The following ALDH1A1 variants were observed in gnomAD, a reference collection of about 807,000 sequenced individuals.
The protein encoded by ALDH1A1 is aldehyde dehydrogenase 1A1.
Under a neutral mutation model 62.1 loss-of-function variants are expected in ALDH1A1, and 19 were observed. The ratio of observed to expected loss-of-function variants is 0.31; its 90% confidence interval spans 0.21 to 0.45. The LOEUF (loss-of-function observed/expected upper bound fraction) is 0.45. ALDH1A1 is among the 20% of genes least tolerant of loss of function. The pLI is 1.00. For synonymous variants in ALDH1A1, 231 were observed against 215.9 expected, an observed-to-expected ratio of 1.07 and a Z score of -0.61; for missense variants, 521 against 607.1, an observed-to-expected ratio of 0.86 and a Z score of 1.49.
At chr9:72,926,760 A>G (rs1830216662) in intron 5 of ALDH1A1, among the ~76,000 whole-genome samples, 1 of 152,256 alleles carries the variant, frequency 6.6e-6, no homozygotes, top group Admixed American at 6.5e-5. Context: ...CCAAAATGCT[A>G]TCCTGCAGAT....
chr9:72,933,684 G>A (rs1830313162), intron 2 of ALDH1A1, among the ~76,000 whole-genome samples: 1 of 151,148 alleles, frequency 6.6e-6, no homozygotes, highest in Admixed American at 6.6e-5. Flanking sequence ...AGATTAATAA[G>A]ATAACATTTA....
At chr9:72,907,779 T>A (rs1744467829) in intron 11 of ALDH1A1, among the ~76,000 whole-genome samples, 1 of 152,214 alleles carries the variant, frequency 6.6e-6, no homozygotes, top group African/African-American at 2.4e-5. Context: ...GTACTTGGTA[T>A]AAATATCTTC....
At chr9:72,947,650 T>A (rs180873523) in intron 1 of ALDH1A1, among the ~76,000 whole-genome samples, 1 of 152,122 alleles carries the variant, frequency 6.6e-6, no homozygotes, top group East Asian at 1.9e-4. Context: ...GAGATTCTAG[T>A]ACTACTGGTT....
chr9:72,927,791 C>T (rs1386890729), intron 4 of ALDH1A1, among the ~76,000 whole-genome samples: 1 of 151,892 alleles, frequency 6.6e-6, no homozygotes, highest in African/African-American at 2.4e-5. Context: ...TTTTATTTGC[C>T]TACCAAACAA....
chr9:72,940,848 A>G (rs1323557798), intron 1 of ALDH1A1, among the ~76,000 whole-genome samples: 1 of 152,196 alleles, frequency 6.6e-6, no homozygotes, highest in Non-Finnish European at 1.5e-5. Flanking sequence ...ATCAGGAACA[A>G]GATTTCTTAA....
intron 5 of ALDH1A1, among the ~76,000 whole-genome samples, chr9:72,926,108 C>G (rs940773474): frequency 2.6e-5 from 4 of 152,166 alleles, no homozygotes; most frequent in African/African-American, 9.7e-5. Flanking sequence ...CACTGACCAG[C>G]CATGTGAACT....
intron 4 of ALDH1A1, 127 bp from the exon 5 acceptor site, chr9:72,927,304 G>A (rs1830224159): frequency 1.7e-6 from 1 of 601,794 alleles, no homozygotes; most frequent in Non-Finnish European, 2.8e-6. Context: ...CAGGTGTGGT[G>A]GCTCACGCCT....
intron 9 of ALDH1A1, among the ~76,000 whole-genome samples, chr9:72,913,713 A>T (rs1193197473): frequency 6.6e-6 from 1 of 152,250 alleles, no homozygotes; most frequent in Non-Finnish European, 1.5e-5. Flanking sequence ...TCGCTAACTT[A>T]TAAAACTACA....
At chr9:72,937,283 A>T (rs560039541) in intron 2 of ALDH1A1, among the ~76,000 whole-genome samples, 1 of 152,214 alleles carries the variant, frequency 6.6e-6, no homozygotes, top group African/African-American at 2.4e-5. Flanking sequence ...TGAGAGATGC[A>T]GTGTTGATCT....
At position 72,930,935 on chromosome 9, in the gene ALDH1A1, C is replaced by A; in HGVS notation, c.256G>T (p.Gly86Trp). 2 of 1,614,010 alleles carry A rather than the reference C, an allele frequency of 1.2e-6. No individual in the cohort carries two copies. The highest frequency in any genetic ancestry group is 1.7e-6 in the Non-Finnish European group (2 of 1,179,950). Residue 86 changes from glycine to tryptophan, a missense_variant, in exon 3 of 13, where the codon GGG becomes TGG. By Grantham distance (184) the Gly-to-Trp change is radical. Transcript: ENST00000297785. ...PWRTMDASER[G>W]RLLYKLADLI... ...TCAGCCAACTTGTATAATAGTCGCC[C>A]CCTCTCGGAAGCATCCATAGTACGC...
At chr9:72,906,547 G>C (rs1415473357) in intron 11 of ALDH1A1, among the ~76,000 whole-genome samples, 1 of 152,096 alleles carries the variant, frequency 6.6e-6, no homozygotes, top group East Asian at 1.9e-4. Context: ...CTTGGCAGGA[G>C]TTGGGTTTAA....
chr9:72,914,309 T>C (rs1415942473), intron 9 of ALDH1A1, among the ~76,000 whole-genome samples: 1 of 152,208 alleles, frequency 6.6e-6, no homozygotes, highest in Admixed American at 6.5e-5. Flanking sequence ...ATTGTCACCA[T>C]GGGTATAAAT....
At chr9:72,945,099 G>A (rs1446167415) in intron 1 of ALDH1A1, among the ~76,000 whole-genome samples, 3 of 152,090 alleles carry the variant, frequency 2.0e-5, no homozygotes, top group African/African-American at 4.8e-5. Context: ...CCTTTCCAGA[G>A]TAAAAGTTAT....
intron 12 of ALDH1A1, among the ~76,000 whole-genome samples, chr9:72,904,121 G>A (rs1459990978): frequency 1.3e-5 from 2 of 152,048 alleles, no homozygotes; most frequent in African/African-American, 2.4e-5. Context: ...CCAAATATGA[G>A]AAAGTAGAGG....
chr9:72,946,696 C>A (rs1006437854), intron 1 of ALDH1A1, among the ~76,000 whole-genome samples: 1 of 151,808 alleles, frequency 6.6e-6, no homozygotes, highest in Non-Finnish European at 1.5e-5. Context: ...TATAATATAT[C>A]CCCTGGCTAT....
chr9:72,917,167 T>C (rs1279168089), intron 8 of ALDH1A1, 63 bp from the exon 9 acceptor site: 3 of 1,228,322 alleles, frequency 2.4e-6, no homozygotes, highest in Admixed American at 3.9e-5. Flanking sequence ...TATATGTTTC[T>C]CAGAGGCAAC....
chr9:72,950,086 G>A (rs1418254865), intron 1 of ALDH1A1, among the ~76,000 whole-genome samples: 1 of 151,676 alleles, frequency 6.6e-6, no homozygotes, highest in Non-Finnish European at 1.5e-5. Context: ...TGGGTAAAAG[G>A]GAATATTCTG....
intron 10 of ALDH1A1, among the ~76,000 whole-genome samples, chr9:72,910,173 A>C (rs1829964782): frequency 6.6e-6 from 1 of 152,188 alleles, no homozygotes; most frequent in South Asian, 2.1e-4. Flanking sequence ...GGATAAATGA[A>C]TAGGCAATGA....
chr9:72,939,815 G>A (rs1233760536), intron 2 of ALDH1A1, among the ~76,000 whole-genome samples: 1 of 152,006 alleles, frequency 6.6e-6, no homozygotes, highest in Non-Finnish European at 1.5e-5. Flanking sequence ...ACAGCGCCCA[G>A]CTGAAGATTT....
Sources: gnomAD v4.1 joint callset for allele counts (sites outside exome capture counted in the v4.1 genomes callset) on GRCh38, gnomAD v4.1.1 for gene constraint, MANE v1.5 for transcripts, NCBI Gene and HGNC (gene_info 2026-07-23, HGNC 2026-07-21) for gene names.